TMTC1: variants seen among roughly 807,000 people sequenced by gnomAD.
TMTC1 encodes protein O-mannosyl-transferase TMTC1.
A neutral mutation model predicts 104.8 loss-of-function variants in TMTC1; 73 were observed. The ratio of observed to expected loss-of-function variants is 0.70; its 90% CI spans 0.58 to 0.85. TMTC1 has a LOEUF of 0.85. Among genes scored for constraint, TMTC1 ranks in the 40% least tolerant of loss-of-function variants. The pLI is 0.00. For synonymous variants in TMTC1, 434 were observed against 428.7 expected, an observed-to-expected ratio of 1.01 and a Z score of -0.15; for missense variants, 1,035 against 1,096.1, an observed-to-expected ratio of 0.94 and a Z score of 0.79.
At chr12:29,783,955 G>A (rs757720419), upstream of TMTC1, 497 of 256,696 alleles carry the variant, frequency 1.9e-3, no homozygotes, top group Non-Finnish European at 2.7e-3. The surrounding 1 kb of genome is among the most constrained non-coding windows in gnomAD (Gnocchi z 4.7). Flanking sequence ...CAGTCCCCCC[G>A]CCTCCCCCGG....
chr12:29,686,974 CTA>C (rs1941114136), intron 5 of TMTC1, among the ~76,000 whole-genome samples: 1 of 148,650 alleles, frequency 6.7e-6, no homozygotes, highest in African/African-American at 2.4e-5. Flanking sequence ...ACATATGAGT[CTA>C]TTTTTTATTA....
intron 1 of TMTC1, among the ~76,000 whole-genome samples, chr12:29,778,650 T>C (rs745684903): frequency 1.2e-4 from 19 of 152,250 alleles, no homozygotes; most frequent in Non-Finnish European, 2.5e-4. Context: ...CATGATCTTA[T>C]GAAAAGACTG....
At chr12:29,582,390 G>C (rs538670860) in intron 8 of TMTC1, among the ~76,000 whole-genome samples, 2 of 152,326 alleles carry the variant, frequency 1.3e-5, no homozygotes, top group South Asian at 2.1e-4. Context: ...CTCAGAGGAG[G>C]CTTCTTGGTC....
At position 29,707,777 on chromosome 12, in the gene TMTC1, T is replaced by C. The variant is rs533663322; in HGVS notation, c.938+43889A>G. ...TCTCATCCGTATGAACCACCCTTCC[T>C]TGTCTGCTGTGCACTACCTGTCCAC... On this transcript the variant is annotated intron_variant, in intron 5 of 17. Transcript: ENST00000539277. Among the ~76,000 whole-genome samples, 14 of 152,320 alleles carry C rather than the reference T, an allele frequency of 9.2e-5. No homozygotes were observed. The South Asian group carries it at 2.9e-3, about 32-fold the overall frequency.
intron 1 of TMTC1, among the ~76,000 whole-genome samples, chr12:29,779,888 T>A (rs77504652): frequency 0.011 from 1,618 of 152,332 alleles, 39 homozygotes; most frequent in African/African-American, 0.037. Flanking sequence ...CCAAACTCTT[T>A]GGTTTAATAT....
chr12:29,586,690 A>C (rs1327071706), intron 7 of TMTC1, among the ~76,000 whole-genome samples: 1 of 149,664 alleles, frequency 6.7e-6, no homozygotes, highest in African/African-American at 2.5e-5. Context: ...CTATTGAGAT[A>C]ATCATGTGGT....
Position 29,643,639 on chromosome 12 carries a change from A to T in TMTC1, c.939-10303T>A, listed in dbSNP as rs796224318. On this transcript the variant is annotated intron_variant, in intron 5 of 17. Transcript: ENST00000539277. ...TATATATCTATATATTATATATATA[A>T]TATATATGTTATATTATATAATATA... Among the ~76,000 whole-genome samples, 8 of 34,490 alleles carry T rather than the reference A, an allele frequency of 2.3e-4. No individual in the cohort carries two copies. The South Asian group carries it at 5.7e-3, about 24-fold the overall frequency. 22.6% of individuals were successfully genotyped at this position (34,490 alleles called of 152,430 possible).
At chr12:29,581,958 G>A (rs1376014545) in intron 8 of TMTC1, among the ~76,000 whole-genome samples, 1 of 151,946 alleles carries the variant, frequency 6.6e-6, no homozygotes, top group Non-Finnish European at 1.5e-5. Context: ...GAGTGATTTT[G>A]CAGATCTGTG....
chr12:29,558,665 A>G (rs998147498), intron 9 of TMTC1, among the ~76,000 whole-genome samples: 4 of 152,170 alleles, frequency 2.6e-5, no homozygotes, highest in African/African-American at 9.7e-5. Context: ...CTTTAGAGGA[A>G]GTCTGGCAGA....
At chr12:29,546,244 GAGTGCCATTTA>G (rs1289364384) in intron 10 of TMTC1, among the ~76,000 whole-genome samples, 6 of 152,348 alleles carry the variant, frequency 3.9e-5, no homozygotes, top group African/African-American at 1.4e-4. Flanking sequence ...GTGCTGAGCA[GAGTGCCATTTA>G]AGTGCCAGTT....
intron 2 of TMTC1, among the ~76,000 whole-genome samples, chr12:29,765,883 T>C (rs1368813899): frequency 6.6e-6 from 1 of 152,202 alleles, no homozygotes; most frequent in African/African-American, 2.4e-5. Context: ...TCCAAGTTAT[T>C]GGCAAATATC....
chr12:29,675,608 ACACACACACACACACACAC>A (rs1940695175), intron 5 of TMTC1, among the ~76,000 whole-genome samples: 1 of 72,088 alleles, frequency 1.4e-5, no homozygotes, highest in African/African-American at 6.4e-5. Context: ...ACACACACAC[ACACACACACACACACACAC>A]ACACCCTCCA....
In TMTC1 at chr12:29,674,686, G is replaced by A. The variant is rs554571694; in HGVS notation, c.939-41350C>T. ...GGTGGCCTGTGAGGGCTCAAATCCA[G>A]CCCATGCTCTGTTCAACGACCTGTG... On this transcript the variant is annotated intron_variant, in intron 5 of 17. Coordinates refer to ENST00000539277, the MANE Select transcript of TMTC1 (RefSeq NM_001193451.2). 3.3e-5 allele frequency among the ~76,000 whole-genome samples: 5 copies of A among 152,314 alleles called. No individual in the cohort carries two copies. The East Asian group carries it at 9.7e-4, about 29-fold the overall frequency.
At chr12:29,535,174 G>A (rs190043091) in intron 11 of TMTC1, 6 of 152,340 alleles carry the variant, frequency 3.9e-5, no homozygotes, top group African/African-American at 1.4e-4. Flanking sequence ...CACTGATGAA[G>A]CCAGCCTCTG....
intron 8 of TMTC1, among the ~76,000 whole-genome samples, chr12:29,577,902 G>A (rs992756585): frequency 6.6e-6 from 1 of 152,110 alleles, no homozygotes; most frequent in South Asian, 2.1e-4. Context: ...CCAGGTAAGC[G>A]TATTAGTAAT....
intron 9 of TMTC1, among the ~76,000 whole-genome samples, chr12:29,559,988 G>A (rs528943418): frequency 1.4e-4 from 22 of 152,244 alleles, no homozygotes; most frequent in African/African-American, 5.3e-4. Flanking sequence ...CCTGTGCAAG[G>A]ACAAAATTTA....
At chr12:29,507,457 ATTCTAGTCT>A (rs1446733099) in intron 17 of TMTC1, among the ~76,000 whole-genome samples, 2 of 152,264 alleles carry the variant, frequency 1.3e-5, no homozygotes, top group African/African-American at 4.8e-5. Flanking sequence ...GATAGCAGTT[ATTCTAGTCT>A]TCAGCTTAAA....
intron 10 of TMTC1, among the ~76,000 whole-genome samples, chr12:29,540,489 T>C (rs1219725301): frequency 6.6e-6 from 1 of 152,118 alleles, no homozygotes; most frequent in African/African-American, 2.4e-5. Flanking sequence ...GAACTTCAAA[T>C]CTAGACCGTT....
At chr12:29,700,566 ATGTGAAGATGGT>A (rs1212492289) in intron 5 of TMTC1, among the ~76,000 whole-genome samples, 2 of 152,114 alleles carry the variant, frequency 1.3e-5, no homozygotes, top group Admixed American at 6.5e-5. Context: ...CAAATAACAA[ATGTGAAGATGGT>A]GATACCTTTC....
Sources: allele counts gnomAD v4.1 joint callset (sites outside exome capture counted in the v4.1 genomes callset), GRCh38; gene constraint gnomAD v4.1.1; non-coding constraint Gnocchi (gnomAD v3.1); transcripts MANE v1.5; gene names NCBI Gene and HGNC (gene_info 2026-07-23, HGNC 2026-07-21).